RCC1: variants seen among roughly 807,000 people sequenced by gnomAD.
The protein encoded by RCC1 is regulator of chromosome condensation.
In RCC1, 11 loss-of-function variants were observed where a neutral mutation model predicts 44.4. The observed-to-expected ratio is 0.25, with a 90% CI of 0.16 to 0.41. The LOEUF (loss-of-function observed/expected upper bound fraction) is 0.41. Ranked by LOEUF, RCC1 falls within the 10% of genes least tolerant of loss-of-function variation. The pLI is 1.00. For synonymous variants in RCC1, 213 were observed against 216.5 expected, an observed-to-expected ratio of 0.98 and a Z score of 0.14; for missense variants, 386 against 547.1, an observed-to-expected ratio of 0.71 and a Z score of 2.94.
chr1:28,530,824 G>A lies in RCC1; in HGVS notation c.73+885G>A, dbSNP rs532511215. On this transcript the variant is annotated intron_variant, in intron 5 of 12. Coordinates refer to ENST00000683442, the MANE Select transcript of RCC1 (RefSeq NM_001381865.2). Reference sequence around the variant, plus strand: ...GCCCCTCCTGCCTCTCCACTGGATGGTGGAGGGAAGAGTCCGTTTCTGCAG... The same window carrying A: ...GCCCCTCCTGCCTCTCCACTGGATGATGGAGGGAAGAGTCCGTTTCTGCAG... Among the ~76,000 whole-genome samples the A allele has an allele frequency of 3.5e-4, 54 of 152,334 alleles. 1 individual carries two copies. Among genetic ancestry groups the A allele is most frequent in the Admixed American group, 2.6e-4 (4 of 15,310 alleles).
chr1:28,518,135 C>T (rs1241095291), intron 4 of RCC1: 2 of 151,858 alleles, frequency 1.3e-5, no homozygotes, highest in Non-Finnish European at 2.9e-5. Flanking sequence ...CAAGGGCTCC[C>T]CCAGCCCGGG....
intron 2 of RCC1, 186 bp downstream of exon 2, chr1:28,508,346 C>A: frequency 2.8e-6 from 1 of 353,058 alleles, no homozygotes; most frequent in South Asian, 2.1e-5. Flanking sequence ...GACATAACTT[C>A]AACATATGCT....
Position 28,538,226 on chromosome 1 carries a change from G to A in RCC1, c.*219G>A, listed in dbSNP as rs538569479. On this transcript the variant is annotated 3_prime_UTR_variant, in exon 13 of 13. Transcript: ENST00000683442. ...GAATAAAGGGGGGGATGGACAGGGG[G>A]TTTTCAAAAGGAACATGGCTCACTC... 4 of 432,166 alleles carry A rather than the reference G, an allele frequency of 9.3e-6. No homozygotes were observed. The South Asian group carries it at 1.4e-4, about 16-fold the overall frequency. The allele number at this position is 432,166 out of a possible 1,614,324, so 26.8% of individuals were successfully genotyped here. A position where few individuals can be genotyped will look rare whatever the true frequency, so the allele number is the denominator to read the frequency against.
intron 4 of RCC1, 80 bp from the exon 5 acceptor site, chr1:28,529,778 A>G: frequency 1.9e-6 from 2 of 1,073,376 alleles, no homozygotes; most frequent in Non-Finnish European, 1.4e-6. Context: ...ACGTATTTCT[A>G]GAGTGTTTGA....
Position 28,538,878 on chromosome 1 carries a change from G to A in RCC1, c.*871G>A, listed in dbSNP as rs1233360584. On this transcript the variant is annotated 3_prime_UTR_variant, in exon 13 of 13. Coordinates refer to ENST00000683442, the MANE Select transcript of RCC1 (RefSeq NM_001381865.2). ...AGTCCTGAGATGGAAACAGCAACTTGTACAGTGGCTGAGAAAATAGGATAT... is the reference window on the plus strand; with the variant it reads ...AGTCCTGAGATGGAAACAGCAACTTATACAGTGGCTGAGAAAATAGGATAT... 1.3e-5 allele frequency: 2 copies of A among 152,186 alleles called. No individual in the cohort carries two copies. Among genetic ancestry groups the A allele is most frequent in the Non-Finnish European group, 1.5e-5 (1 of 68,034 alleles). 9.4% of individuals were successfully genotyped at this position (152,186 alleles called of 1,614,324 possible).
intron 3 of RCC1, among the ~76,000 whole-genome samples, chr1:28,514,154 CT>C (rs1300554003): frequency 6.7e-6 from 1 of 149,340 alleles, no homozygotes; most frequent in African/African-American, 2.5e-5. Context: ...AAGACTCCGT[CT>C]CAAAAAAAAA....
Position 28,528,223 on chromosome 1 carries a change from A to G in RCC1, c.-9-1635A>G, listed in dbSNP as rs551969581. On this transcript the variant is annotated intron_variant, in intron 4 of 12. Transcript: ENST00000683442. Reference sequence around the variant, plus strand: ...ATAATTCCAGCACTTTGGGAGGCCAAGGCGGGGTGGATCACTGAGATCAGG... The same window carrying G: ...ATAATTCCAGCACTTTGGGAGGCCAGGGCGGGGTGGATCACTGAGATCAGG... 5.3e-5 allele frequency among the ~76,000 whole-genome samples: 8 copies of G among 152,256 alleles called. No individual in the cohort carries two copies. In the East Asian group the frequency reaches 1.5e-3, roughly 29 times the overall value.
At chr1:28,517,270 G>A (rs964291212) in intron 4 of RCC1, among the ~76,000 whole-genome samples, 5 of 152,134 alleles carry the variant, frequency 3.3e-5, no homozygotes, top group Admixed American at 2.6e-4. Context: ...CTGAAATCCT[G>A]AAGAACTGTT....
chr1:28,509,919 G>A (rs1662377188), intron 3 of RCC1: 2 of 152,164 alleles, frequency 1.3e-5, no homozygotes, highest in South Asian at 2.1e-4. Flanking sequence ...GCAACGGGAG[G>A]TTGTATCCCT....
intron 4 of RCC1, among the ~76,000 whole-genome samples, chr1:28,524,791 A>G (rs1220160599): frequency 1.3e-5 from 2 of 152,048 alleles, no homozygotes; most frequent in East Asian, 1.9e-4. Context: ...GCAGTGAGCC[A>G]TGACCATGCC....
chr1:28,524,600 A>G (rs569240530), intron 4 of RCC1, among the ~76,000 whole-genome samples: 2 of 152,198 alleles, frequency 1.3e-5, no homozygotes, highest in South Asian at 2.1e-4. Flanking sequence ...GCTTACACCT[A>G]TAATCCCAGC....
intron 4 of RCC1, among the ~76,000 whole-genome samples, chr1:28,519,911 C>T (rs1044999413): frequency 2.0e-5 from 3 of 150,084 alleles, no homozygotes; most frequent in Non-Finnish European, 3.0e-5. Flanking sequence ...CTTGGTCTAT[C>T]GCCCAGGCTG....
At chr1:28,534,445 G>T (rs926523788) in intron 7 of RCC1, among the ~76,000 whole-genome samples, 3 of 152,166 alleles carry the variant, frequency 2.0e-5, no homozygotes, top group Admixed American at 1.3e-4. Context: ...CTCCCAAAGT[G>T]CTGGGATTAC....
At chr1:28,537,782 G>A in intron 12 of RCC1, 50 bp from the exon 13 acceptor site, 1 of 1,553,724 alleles carries the variant, frequency 6.4e-7, no homozygotes, top group South Asian at 1.2e-5. Flanking sequence ...GCTACAGAAA[G>A]GTGGGCTGGG....
At chr1:28,527,520 G>GGT (rs1663750013) in intron 4 of RCC1, among the ~76,000 whole-genome samples, 1 of 152,102 alleles carries the variant, frequency 6.6e-6, no homozygotes, top group South Asian at 2.1e-4. Context: ...TAGGATTACA[G>GGT]GTGTGGTGGC....
chr1:28,537,138 G>A (rs1664604107), intron 12 of RCC1, among the ~76,000 whole-genome samples: 1 of 152,166 alleles, frequency 6.6e-6, no homozygotes, highest in Non-Finnish European at 1.5e-5. Flanking sequence ...CAAAGAGTGA[G>A]ATATCACTGA....
intron 7 of RCC1, among the ~76,000 whole-genome samples, chr1:28,532,944 T>TAGC (rs1420924936): frequency 2.0e-5 from 3 of 152,012 alleles, no homozygotes; most frequent in Non-Finnish European, 4.4e-5. Context: ...GCCTCCCAAG[T>TAGC]AGCTGGGATT....
chr1:28,508,390 C>T (rs374734045), intron 2 of RCC1: 10 of 360,658 alleles, frequency 2.8e-5, no homozygotes, highest in African/African-American at 1.7e-4. Flanking sequence ...TTAGTCAGCT[C>T]ATTAAAAGTG....
At position 28,538,973 on chromosome 1, in the gene RCC1, T is replaced by TA. The variant is rs1664727984; in HGVS notation, c.*967dup. On this transcript the variant is annotated 3_prime_UTR_variant, in exon 13 of 13. Coordinates refer to ENST00000683442, the MANE Select transcript of RCC1 (RefSeq NM_001381865.2). ...AATCTTTTAACATTTTGAATAAATT[T>TA]AGAGTTTTATAAAATAGGCCACTTG... The TA allele has an allele frequency of 5.3e-5, 8 of 152,330 alleles. No homozygotes were observed. The South Asian group carries it at 1.5e-3, about 28-fold the overall frequency. 9.4% of individuals were successfully genotyped at this position (152,330 alleles called of 1,614,324 possible).
Sources: gnomAD v4.1 joint callset for allele counts (sites outside exome capture counted in the v4.1 genomes callset) on GRCh38, gnomAD v4.1.1 for gene constraint, MANE v1.5 for transcripts, NCBI Gene and HGNC (gene_info 2026-07-23, HGNC 2026-07-21) for gene names.